The following KTN1 variants were observed in gnomAD, a reference collection of about 807,000 sequenced individuals.
The protein encoded by KTN1 is kinectin.
In KTN1, 130 loss-of-function variants were observed where a neutral mutation model predicts 222.5. The ratio of observed to expected loss-of-function variants is 0.58; its 90% CI spans 0.51 to 0.68. KTN1 has a LOEUF of 0.68. KTN1 is among the 30% of genes least tolerant of loss of function. The pLI, the probability that KTN1 is intolerant of heterozygous loss-of-function variation, is 0.00. For synonymous variants in KTN1, 512 were observed against 496.3 expected (o/e 1.03, Z -0.42); for missense variants, 1,508 against 1,500.4 (o/e 1.01, Z -0.08).
chr14:55,666,479 A>G (rs1036522942), intron 33 of KTN1, among the ~76,000 whole-genome samples: 6 of 151,316 alleles, frequency 4.0e-5, no homozygotes, highest in African/African-American at 1.2e-4. Context: ...TTGGTGCGTG[A>G]TAAGTCATTA....
intron 8 of KTN1, among the ~76,000 whole-genome samples, 169 bp downstream of exon 8, chr14:55,633,510 T>G (rs1290776666): frequency 1.3e-5 from 2 of 151,742 alleles, no homozygotes; most frequent in East Asian, 1.9e-4. Context: ...GAAGAACTTC[T>G]TCAGTTATAC....
At chr14:55,585,520 AG>A (rs772868646) in intron 1 of KTN1, among the ~76,000 whole-genome samples, 48 of 152,218 alleles carry the variant, frequency 3.2e-4, no homozygotes, top group Non-Finnish European at 3.4e-4. Flanking sequence ...GTACTCTAAA[AG>A]CATTATCTAT....
At chr14:55,623,917 C>T (rs1188935094) in intron 5 of KTN1, among the ~76,000 whole-genome samples, 2 of 152,074 alleles carry the variant, frequency 1.3e-5, no homozygotes, top group African/African-American at 4.8e-5. Context: ...CAAGAGTAAT[C>T]ATTTTATTGT....
At chr14:55,580,840 A>G (rs1380193836) in intron 1 of KTN1, among the ~76,000 whole-genome samples, 2 of 152,036 alleles carry the variant, frequency 1.3e-5, no homozygotes, top group Non-Finnish European at 2.9e-5. Context: ...GCTGGGCCAC[A>G]CTTACGCCAT....
intron 32 of KTN1, among the ~76,000 whole-genome samples, chr14:55,662,322 G>A (rs539467889): frequency 2.0e-4 from 30 of 152,054 alleles, no homozygotes; most frequent in African/African-American, 7.0e-4. Context: ...CACCTGCCTC[G>A]GCCTCGCAAA....
At chr14:55,650,476 C>T in intron 23 of KTN1, 58 bp downstream of exon 23, 1 of 1,500,394 alleles carries the variant, frequency 6.7e-7, no homozygotes, top group Non-Finnish European at 9.2e-7. Flanking sequence ...TAGTTAATAT[C>T]ATTTAATTTC....
At chr14:55,649,865 T>G (rs1276929532) in intron 22 of KTN1, 52 bp downstream of exon 22, 1 of 1,037,362 alleles carries the variant, frequency 9.6e-7, no homozygotes, top group South Asian at 1.4e-5. Flanking sequence ...TCCATTTTTT[T>G]TTTGTGTGTG....
chr14:55,619,399 T>G, intron 5 of KTN1, 87 bp downstream of exon 5: 1 of 1,221,866 alleles, frequency 8.2e-7, no homozygotes, highest in Non-Finnish European at 1.2e-6. Context: ...AATTAATATC[T>G]ACTCCCATCC....
At position 55,648,832 on chromosome 14, in the gene KTN1, A is replaced by G; in HGVS notation, c.2329A>G (p.Lys777Glu). ...AIRTENSSLT[K>E]EVQDLKAKQN... The stretch of plus-strand genomic sequence containing the variant: ...AAGAACAGAAAATTCATCTCTGACA[A>G]AAGAAGTTCAAGACTTAAAAGCTAA... The change falls in exon 21 of 44, where the codon AAA becomes GAA. Residue 777 changes from lysine (K) to glutamate (E), a missense_variant. Lys to Glu is a moderately conservative substitution (Grantham distance 56). Coordinates refer to ENST00000395314, the MANE Select transcript of KTN1 (RefSeq NM_001079521.2). 6.2e-7 allele frequency: 1 copy of G among 1,605,964 alleles called. No homozygotes were observed. The highest frequency in any genetic ancestry group is 8.5e-7 in the Non-Finnish European group (1 of 1,173,536).
chr14:55,675,398 TG>T (rs1162258758), intron 40 of KTN1: 2 of 156,294 alleles, frequency 1.3e-5, no homozygotes, highest in Non-Finnish European at 2.8e-5. Context: ...TTAATTTGAC[TG>T]GATTTGTAGT....
At chr14:55,679,522 T>G in intron 42 of KTN1, 43 bp from the exon 43 acceptor site, 2 of 1,524,114 alleles carry the variant, frequency 1.3e-6, no homozygotes, top group Non-Finnish European at 1.8e-6. Flanking sequence ...ACATTTCTTT[T>G]CCTTGTGTAT....
intron 5 of KTN1, among the ~76,000 whole-genome samples, chr14:55,627,632 G>GCCCTTCCTGTGTCCATGTTC (rs1316759885): frequency 2.6e-5 from 4 of 151,854 alleles, no homozygotes; most frequent in Non-Finnish European, 4.4e-5. Flanking sequence ...CAGGCATGTT[G>GCCCTTCCTGTGTCCATGTTC]CCCTTCCTGT....
At chr14:55,655,930 A>C (rs985511216) in intron 28 of KTN1, 112 bp from the exon 29 acceptor site, 1 of 557,586 alleles carries the variant, frequency 1.8e-6, no homozygotes, top group Admixed American at 3.6e-5. Flanking sequence ...TATGGGGGAA[A>C]AAAAGCTGGT....
intron 5 of KTN1, among the ~76,000 whole-genome samples, chr14:55,620,243 G>C (rs1351126418): frequency 6.6e-6 from 1 of 152,168 alleles, no homozygotes; most frequent in Non-Finnish European, 1.5e-5. Context: ...ACAGGGTACA[G>C]CCTCCTTTCT....
At chr14:55,659,571 T>C (rs552515061) in intron 30 of KTN1, 95 bp from the exon 31 acceptor site, 81 of 801,866 alleles carry the variant, frequency 1.0e-4, no homozygotes, top group East Asian at 2.5e-4. Context: ...ATTTTTACTT[T>C]TGTTGTTTTC....
chr14:55,599,115 TTGTA>T (rs762242051), intron 1 of KTN1, among the ~76,000 whole-genome samples: 1 of 152,226 alleles, frequency 6.6e-6, no homozygotes, highest in African/African-American at 2.4e-5. Flanking sequence ...TGCTGGGTGT[TTGTA>T]TGTCTGTGTA....
At chr14:55,671,900 G>C in intron 37 of KTN1, 23 bp downstream of exon 37, 1 of 1,373,578 alleles carries the variant, frequency 7.3e-7, no homozygotes, top group Non-Finnish European at 1.0e-6. Flanking sequence ...GAAAAGCTTA[G>C]AGCAGTGGTT....
chr14:55,634,789 T>G, intron 9 of KTN1, 131 bp downstream of exon 9: 1 of 687,486 alleles, frequency 1.5e-6, no homozygotes, highest in Non-Finnish European at 2.3e-6. Flanking sequence ...GACTCACGGT[T>G]CAACATGGCT....
chr14:55,618,426 T>A (rs2038691694), intron 4 of KTN1, among the ~76,000 whole-genome samples: 1 of 152,180 alleles, frequency 6.6e-6, no homozygotes, highest in Non-Finnish European at 1.5e-5. Context: ...TGTTTTTTTT[T>A]AATAGACTGT....
Sources: allele counts gnomAD v4.1 joint callset (sites outside exome capture counted in the v4.1 genomes callset), GRCh38; gene constraint gnomAD v4.1.1; transcripts MANE v1.5; gene names NCBI Gene and HGNC (gene_info 2026-07-23, HGNC 2026-07-21).